The following KDM4C variants were observed in gnomAD, a reference collection of about 807,000 sequenced individuals.
KDM4C encodes the protein lysine-specific demethylase 4C.
KDM4C carries 81 observed loss-of-function variants against 129.3 expected under a neutral mutation model. The observed-to-expected ratio is 0.63, with a 90% CI of 0.52 to 0.75. The LOEUF is 0.75. Among genes scored for constraint, KDM4C ranks in the 30% least tolerant of loss-of-function variants. The pLI is 0.00. For missense variants in KDM4C, 1,457 were observed against 1,304.0 expected (o/e 1.12, Z -1.81); for synonymous variants, 573 against 456.1 (o/e 1.26, Z -3.26).
chr9:7,009,063 A>G (rs1484478059), intron 12 of KDM4C, among the ~76,000 whole-genome samples: 1 of 152,216 alleles, frequency 6.6e-6, no homozygotes, highest in Non-Finnish European at 1.5e-5. Flanking sequence ...AGATTTACAA[A>G]CTGCCTAAAA....
At chr9:6,999,115 C>G (rs1040128571) in intron 12 of KDM4C, among the ~76,000 whole-genome samples, 12 of 152,130 alleles carry the variant, frequency 7.9e-5, no homozygotes, top group Non-Finnish European at 1.8e-4. Flanking sequence ...AACTAGAAAT[C>G]AAAGAGTTAG....
At chr9:6,975,213 G>A (rs962211735) in intron 8 of KDM4C, among the ~76,000 whole-genome samples, 2 of 152,156 alleles carry the variant, frequency 1.3e-5, no homozygotes, top group African/African-American at 4.8e-5. Context: ...AGTGGGAGGA[G>A]GGAAAGAAAC....
intron 1 of KDM4C, among the ~76,000 whole-genome samples, chr9:6,790,521 G>C (rs1038316431): frequency 1.3e-5 from 2 of 150,794 alleles, no homozygotes; most frequent in East Asian, 4.0e-4. Flanking sequence ...CCCAGAGTGC[G>C]GGGATTATAG....
chr9:6,771,080 CT>C (rs35945405), intron 1 of KDM4C, among the ~76,000 whole-genome samples: 1,178 of 56,892 alleles, frequency 0.021, 10 homozygotes, highest in Non-Finnish European at 0.026. Flanking sequence ...GACTGTGAAT[CT>C]TTTTTTTTTT....
intron 2 of KDM4C, among the ~76,000 whole-genome samples, chr9:6,796,371 G>T (rs751297154): frequency 6.6e-6 from 1 of 152,170 alleles, no homozygotes; most frequent in East Asian, 1.9e-4. Context: ...CTTGAACCCG[G>T]GAGGTGGAGG....
chr9:6,944,141 A>G (rs1826452774), intron 8 of KDM4C, among the ~76,000 whole-genome samples: 1 of 152,230 alleles, frequency 6.6e-6, no homozygotes, highest in South Asian at 2.1e-4. Context: ...ATCCTCTTAA[A>G]TGAAATTAAA....
intron 17 of KDM4C, among the ~76,000 whole-genome samples, chr9:7,097,920 A>G (rs1306484248): frequency 6.6e-6 from 1 of 152,248 alleles, no homozygotes; most frequent in Admixed American, 6.5e-5. Flanking sequence ...CATTAAGGGA[A>G]CATTCATATG....
At chr9:7,124,336 A>G (rs1288889377) in intron 18 of KDM4C, among the ~76,000 whole-genome samples, 1 of 152,240 alleles carries the variant, frequency 6.6e-6, no homozygotes, top group Non-Finnish European at 1.5e-5. Context: ...TTTGACAGAG[A>G]GGGCAACATC....
chr9:7,093,379 TAATAA>T (rs372928393), intron 17 of KDM4C, among the ~76,000 whole-genome samples: 65 of 152,232 alleles, frequency 4.3e-4, no homozygotes, highest in African/African-American at 1.3e-3. Context: ...ATTATAAAAA[TAATAA>T]AATAACAACA....
intron 15 of KDM4C, among the ~76,000 whole-genome samples, chr9:7,041,176 G>C (rs531023738): frequency 1.8e-4 from 27 of 151,848 alleles, no homozygotes; most frequent in Non-Finnish European, 1.9e-4. Flanking sequence ...GGTTGTGTCT[G>C]TACTCAACAT....
Position 6,845,643 on chromosome 9 carries a change from G to T in KDM4C, c.436-3864G>T, listed in dbSNP as rs7847797. Among the ~76,000 whole-genome samples the T allele has an allele frequency of 3.7e-3, 568 of 152,286 alleles. 2 individuals carry two copies. Among genetic ancestry groups the T allele is most frequent in the African/African-American group, 0.013 (548 of 41,564 alleles). On this transcript the variant is annotated intron_variant, in intron 4 of 21. Coordinates refer to ENST00000381309, the MANE Select transcript of KDM4C (RefSeq NM_015061.6). ...AAAAATCGTGGTCCAATTGTGAGTT[G>T]TTTCAGAAAACAGATGCAGGATACG...
intron 18 of KDM4C, among the ~76,000 whole-genome samples, chr9:7,115,578 G>A (rs148813160): frequency 1.2e-4 from 18 of 152,258 alleles, no homozygotes; most frequent in East Asian, 9.6e-4. Flanking sequence ...TGCCATAGCC[G>A]TAATGAAAAC....
chr9:6,867,382 G>T (rs1425247164), intron 5 of KDM4C, among the ~76,000 whole-genome samples: 2 of 152,084 alleles, frequency 1.3e-5, no homozygotes, highest in Non-Finnish European at 2.9e-5. Context: ...TGCTTCTATA[G>T]CACCATTTTG....
At chr9:7,043,912 T>A (rs1828992533) in intron 15 of KDM4C, among the ~76,000 whole-genome samples, 1 of 152,026 alleles carries the variant, frequency 6.6e-6, no homozygotes. Flanking sequence ...CTTTGCTAAT[T>A]TTCAAGATTT....
intron 8 of KDM4C, among the ~76,000 whole-genome samples, chr9:6,978,400 G>T (rs1833289072): frequency 7.2e-6 from 1 of 139,792 alleles, no homozygotes; most frequent in Non-Finnish European, 1.6e-5. Context: ...TTGTTGGTGG[G>T]TTTAGGTTAT....
intron 4 of KDM4C, among the ~76,000 whole-genome samples, chr9:6,825,462 A>G (rs1165178434): frequency 1.3e-5 from 2 of 152,178 alleles, no homozygotes; most frequent in Non-Finnish European, 1.5e-5. Context: ...ACTGTGTTCT[A>G]TCTTTATTTA....
intron 7 of KDM4C, among the ~76,000 whole-genome samples, chr9:6,890,516 AT>A (rs1845966427): frequency 6.6e-6 from 1 of 152,120 alleles, no homozygotes; most frequent in Non-Finnish European, 1.5e-5. Context: ...CTGCATTTAG[AT>A]TATATCCACT....
At chr9:6,884,328 T>A (rs1844924433) in intron 6 of KDM4C, among the ~76,000 whole-genome samples, 1 of 152,224 alleles carries the variant, frequency 6.6e-6, no homozygotes, top group Non-Finnish European at 1.5e-5. Context: ...TAGGTTTCTC[T>A]GCATACAATG....
At chr9:6,842,312 C>CTTTTTTTT (rs759138371) in intron 4 of KDM4C, among the ~76,000 whole-genome samples, 4 of 97,874 alleles carry the variant, frequency 4.1e-5, no homozygotes, top group Admixed American at 1.2e-4. Context: ...ATCCACATTT[C>CTTTTTTTT]TTTTTTTTTT....
Sources: gnomAD v4.1 joint callset for allele counts (sites outside exome capture counted in the v4.1 genomes callset) on GRCh38, gnomAD v4.1.1 for gene constraint, MANE v1.5 for transcripts, NCBI Gene and HGNC (gene_info 2026-07-23, HGNC 2026-07-21) for gene names.